CTNNA3: variants seen among roughly 807,000 people sequenced by gnomAD.
The protein encoded by CTNNA3 is catenin alpha 3, also known as catenin alpha-3.
In CTNNA3, 76 loss-of-function variants were observed where a neutral mutation model predicts 95.7. The ratio of observed to expected loss-of-function variants is 0.79; its 90% CI spans 0.66 to 0.96. The LOEUF is 0.96. CTNNA3 is among the 40% of genes least tolerant of loss of function. The pLI is 0.00. For synonymous variants in CTNNA3, 431 were observed against 374.4 expected, an observed-to-expected ratio of 1.15 and a Z score of -1.74; for missense variants, 1,191 against 1,089.8, an observed-to-expected ratio of 1.09 and a Z score of -1.31.
rs556891657 is a variant in CTNNA3, at chr10:66,099,102, C to T, written c.1977+4055G>A. The stretch of plus-strand genomic sequence containing the variant: ...ATTACTAAACAGTGCCTGGTTCTAG[C>T]GCATGTGCAATACAGCAGAGTCTGC... On this transcript the variant is annotated intron_variant, in intron 14 of 17. Transcript: ENST00000433211. Among the ~76,000 whole-genome samples, 20 of 152,250 alleles carry T rather than the reference C, an allele frequency of 1.3e-4. 1 individual carries two copies. The highest frequency in any genetic ancestry group is 7.9e-4 in the Admixed American group (12 of 15,282).
intron 13 of CTNNA3, among the ~76,000 whole-genome samples, chr10:66,215,997 T>C (rs953014702): frequency 7.2e-5 from 11 of 152,260 alleles, no homozygotes; most frequent in African/African-American, 2.2e-4. Context: ...TACTTTCAGT[T>C]ATTTTATTAC....
Position 66,085,960 on chromosome 10 carries a change from C to T in CTNNA3, c.1978-16471G>A, listed in dbSNP as rs74614297. Among the ~76,000 whole-genome samples, 8 of 152,228 alleles carry T rather than the reference C, an allele frequency of 5.3e-5. No individual in the cohort carries two copies. In the East Asian group the frequency reaches 1.5e-3, roughly 29 times the overall value. ...AATCAAAACACAGGGTTGATGGTAA[C>T]ACCTATCCTACATCAGTAGCACTAA... On this transcript the variant is annotated intron_variant, in intron 14 of 17. Coordinates refer to ENST00000433211, the MANE Select transcript of CTNNA3 (RefSeq NM_013266.4).
At position 67,558,703 on chromosome 10, in the gene CTNNA3, C is replaced by T. The variant is rs183213806; in HGVS notation, c.293-19034G>A. Among the ~76,000 whole-genome samples, 18 of 152,336 alleles carry T rather than the reference C, an allele frequency of 1.2e-4. No individual in the cohort carries two copies. In the South Asian group the frequency reaches 1.2e-3, roughly 11 times the overall value. Reference sequence around the variant, plus strand: ...GGCAAGCATTGCCTCACTCGAGAAGCGCAAGGGGTCAGGGAGTTCCCTTTC... The same window carrying T: ...GGCAAGCATTGCCTCACTCGAGAAGTGCAAGGGGTCAGGGAGTTCCCTTTC... On this transcript the variant is annotated intron_variant, in intron 3 of 17. Coordinates refer to ENST00000433211, the MANE Select transcript of CTNNA3 (RefSeq NM_013266.4).
intron 5 of CTNNA3, among the ~76,000 whole-genome samples, chr10:67,380,865 T>C (rs538914955): frequency 5.4e-4 from 83 of 152,360 alleles, no homozygotes; most frequent in African/African-American, 1.8e-3. Context: ...TTCATTTTTC[T>C]ATTTCACTTT....
chr10:67,488,964 G>A (rs555282864), intron 5 of CTNNA3, among the ~76,000 whole-genome samples: 5 of 152,162 alleles, frequency 3.3e-5, no homozygotes, highest in Admixed American at 6.5e-5. Flanking sequence ...TCGAACTCCT[G>A]AGCTCAGGTG....
intron 1 of CTNNA3, among the ~76,000 whole-genome samples, chr10:67,680,751 T>C (rs185741348): frequency 1.2e-4 from 18 of 152,320 alleles, no homozygotes; most frequent in African/African-American, 4.3e-4. Context: ...AGTTAATTTT[T>C]ATAAATGACT....
chr10:67,422,912 T>C (rs902767811), intron 5 of CTNNA3, among the ~76,000 whole-genome samples: 4 of 152,144 alleles, frequency 2.6e-5, no homozygotes, highest in Admixed American at 1.3e-4. Context: ...TCAAAAGGAA[T>C]AGAGGAATGT....
chr10:66,004,206 GGAAT>G (rs1283369718), intron 15 of CTNNA3, among the ~76,000 whole-genome samples: 1 of 152,074 alleles, frequency 6.6e-6, no homozygotes, highest in Non-Finnish European at 1.5e-5. Context: ...CAGAATCAGT[GGAAT>G]GTTTTATATA....
At chr10:66,198,516 A>G (rs75672438) in intron 13 of CTNNA3, among the ~76,000 whole-genome samples, 435 of 152,308 alleles carry the variant, frequency 2.9e-3, no homozygotes, top group Non-Finnish European at 5.4e-3. Flanking sequence ...ATTAAATAAA[A>G]TGCTACTAGC....
chr10:67,476,609 C>T (rs1848024750), intron 5 of CTNNA3, among the ~76,000 whole-genome samples: 1 of 151,962 alleles, frequency 6.6e-6, no homozygotes, highest in East Asian at 1.9e-4. Flanking sequence ...GCTGCCCCAC[C>T]CTTCCTGCAA....
At chr10:66,249,645 A>G (rs1378691250) in intron 13 of CTNNA3, among the ~76,000 whole-genome samples, 1 of 152,200 alleles carries the variant, frequency 6.6e-6, no homozygotes, top group Non-Finnish European at 1.5e-5. Context: ...GCTAATGAGG[A>G]TGTGGAGAAA....
intron 17 of CTNNA3, among the ~76,000 whole-genome samples, chr10:65,955,228 C>T (rs890744732): frequency 6.6e-6 from 1 of 152,134 alleles, no homozygotes; most frequent in Non-Finnish European, 1.5e-5. Context: ...GATTTTTGCA[C>T]ATTGAATTTG....
At chr10:66,375,221 C>T (rs552537949) in intron 12 of CTNNA3, among the ~76,000 whole-genome samples, 3 of 149,800 alleles carry the variant, frequency 2.0e-5, no homozygotes, top group Non-Finnish European at 4.4e-5. Flanking sequence ...GCCTTTTGGC[C>T]CACATCAGAA....
chr10:66,745,683 G>A (rs953110473), intron 9 of CTNNA3, among the ~76,000 whole-genome samples: 24 of 144,418 alleles, frequency 1.7e-4, no homozygotes, highest in African/African-American at 5.9e-4. Context: ...TCCACCTCCT[G>A]GGTTTACACC....
At chr10:66,930,876 G>GA (rs999987248) in intron 7 of CTNNA3, among the ~76,000 whole-genome samples, 4 of 152,090 alleles carry the variant, frequency 2.6e-5, no homozygotes, top group African/African-American at 7.2e-5. Flanking sequence ...GAAATTATGG[G>GA]AAAAAAGTTC....
At chr10:66,824,837 G>A (rs922264109) in intron 7 of CTNNA3, among the ~76,000 whole-genome samples, 1 of 152,108 alleles carries the variant, frequency 6.6e-6, no homozygotes, top group African/African-American at 2.4e-5. Flanking sequence ...ACGGGATCCT[G>A]GGACAGAAAA....
intron 12 of CTNNA3, among the ~76,000 whole-genome samples, chr10:66,306,573 A>C (rs1435882437): frequency 6.6e-6 from 1 of 152,156 alleles, no homozygotes; most frequent in Non-Finnish European, 1.5e-5. Context: ...CCTCCACTTA[A>C]CAATAAAACA....
chr10:66,979,587 G>A (rs1176887709), intron 7 of CTNNA3, among the ~76,000 whole-genome samples: 1 of 152,114 alleles, frequency 6.6e-6, no homozygotes, highest in Non-Finnish European at 1.5e-5. Flanking sequence ...GGAAGAATTT[G>A]TTAACCATTC....
intron 7 of CTNNA3, among the ~76,000 whole-genome samples, chr10:66,941,128 C>T (rs1589457268): frequency 2.0e-5 from 3 of 152,318 alleles, no homozygotes; most frequent in Admixed American, 6.5e-5. Context: ...CAGACAGCTA[C>T]ACCACAGTAG....
Sources: gnomAD v4.1 joint callset for allele counts (sites outside exome capture counted in the v4.1 genomes callset) on GRCh38, gnomAD v4.1.1 for gene constraint, MANE v1.5 for transcripts, NCBI Gene and HGNC (gene_info 2026-07-23, HGNC 2026-07-21) for gene names.